Variants in XRCC3 observed in about 807,000 individuals in gnomAD.
XRCC3 encodes DNA repair protein XRCC3.
In XRCC3, 34 loss-of-function variants were observed where a neutral mutation model predicts 29.2. The observed-to-expected ratio is 1.16, with a 90% CI of 0.88 to 1.55. The LOEUF (loss-of-function observed/expected upper bound fraction) is 1.55. XRCC3 is among the 40% of genes most tolerant of loss of function. The probability of loss-of-function intolerance (pLI) is 0.00; values close to 1 mark genes in which losing one functional copy is unlikely to be tolerated. For missense variants in XRCC3, 463 were observed against 467.6 expected (o/e 0.99, Z 0.09); for synonymous variants, 223 against 211.3 (o/e 1.06, Z -0.48).
In XRCC3 at chr14:103,713,010, C is replaced by T. The variant is rs34100926; in HGVS notation, c.-317-79G>A. 1.1e-3 allele frequency: 173 copies of T among 152,510 alleles called. 3 individuals carry two copies. The East Asian group carries it at 0.026, about 23-fold the overall frequency. The allele number at this position is 152,510 out of a possible 1,614,324, so 9.4% of individuals were successfully genotyped here. ...TCCTCCCGTGTCCCATCACCCTTGA[C>T]AGCTGATTAGGCGCCTCATCTTCCA... On this transcript the variant is annotated intron_variant, in intron 1 of 9. Coordinates refer to ENST00000555055, the MANE Select transcript of XRCC3 (RefSeq NM_005432.4).
chr14:103,708,756 C>T (rs1335291996), intron 4 of XRCC3, 97 bp from the exon 5 acceptor site: 11 of 1,520,082 alleles, frequency 7.2e-6, no homozygotes, highest in Admixed American at 3.4e-5. Context: ...ACTGTGAGAG[C>T]ACCGTGCTTC....
At position 103,698,860 on chromosome 14, in the gene XRCC3, A is replaced by AG. The variant is rs780557423; in HGVS notation, c.978dup (p.Ser327LeufsTer32). On this transcript the variant is annotated frameshift_variant, in exon 10 of 10. Transcript: ENST00000555055. LOFTEE classifies it low-confidence loss of function (END_TRUNC). ...TCGGCACTGATCGTGTAGGAACAGGAGGAGGGGGGCAGGTGGGGGGCAGAG... is the reference window on the plus strand; with the variant it reads ...TCGGCACTGATCGTGTAGGAACAGGAGGGAGGGGGGCAGGTGGGGGGCAGAG... 16 of 1,607,374 alleles carry AG rather than the reference A, an allele frequency of 1.0e-5. No homozygotes were observed. Among genetic ancestry groups the AG allele is most frequent in the Non-Finnish European group, 1.4e-5 (16 of 1,177,644 alleles).
In XRCC3 at chr14:103,698,456, T is replaced by G; in HGVS notation, c.*342A>C. On this transcript the variant is annotated 3_prime_UTR_variant, in exon 10 of 10. Transcript: ENST00000555055. ...ACGCAACCCCAGTTGGGCTTCCATGTGGAGAGAAGAAGCAGGCGGCTCCCA... is the reference window on the plus strand; with the variant it reads ...ACGCAACCCCAGTTGGGCTTCCATGGGGAGAGAAGAAGCAGGCGGCTCCCA... 1 of 362,430 alleles carries G rather than the reference T, an allele frequency of 2.8e-6. No individual in the cohort carries two copies. Among genetic ancestry groups the G allele is most frequent in the East Asian group, 6.9e-5 (1 of 14,472 alleles). 22.5% of individuals were successfully genotyped at this position (362,430 alleles called of 1,614,324 possible). A position where few individuals can be genotyped will look rare whatever the true frequency, so the allele number is the denominator to read the frequency against.
Position 103,711,165 on chromosome 14 carries a change from G to A in XRCC3, c.-78C>T, listed in dbSNP as rs935627734. On this transcript the variant is annotated 5_prime_UTR_variant, in exon 4 of 10. Coordinates refer to ENST00000555055, the MANE Select transcript of XRCC3 (RefSeq NM_005432.4). ...AATGGATGCAAATTCTGAGGCACTC[G>A]CCTTCAATTCAAAGCCTGTGGGAGG... is the stretch of plus-strand genomic sequence containing the variant. The A allele has an allele frequency of 6.5e-6, 10 of 1,531,278 alleles. No individual in the cohort carries two copies. Among genetic ancestry groups the A allele is most frequent in the African/African-American group, 5.5e-5 (4 of 73,156 alleles). 94.9% of individuals were successfully genotyped at this position (1,531,278 alleles called of 1,614,324 possible).
At chr14:103,715,112 C>CGAG (rs1214974616) in intron 1 of XRCC3, among the ~76,000 whole-genome samples, 1 of 152,196 alleles carries the variant, frequency 6.6e-6, no homozygotes, top group East Asian at 1.9e-4. Context: ...GCCGCGGGCC[C>CGAG]ACCTCGGCCT....
chr14:103,698,662 TG>T lies in XRCC3; in HGVS notation c.*135del. On this transcript the variant is annotated 3_prime_UTR_variant, in exon 10 of 10. Coordinates refer to ENST00000555055, the MANE Select transcript of XRCC3 (RefSeq NM_005432.4). ...TGGCCACCATCTTCGGATGAGAAAG[TG>T]GAGCCGCTGCCCTGGAAGAGCTGTG... The T allele has an allele frequency of 1.3e-6, 1 of 787,552 alleles. No homozygotes were observed. The highest frequency in any genetic ancestry group is 2.1e-6 in the Non-Finnish European group (1 of 473,468). The allele number at this position is 787,552 out of a possible 1,614,324, so 48.8% of individuals were successfully genotyped here.
intron 7 of XRCC3, chr14:103,700,633 C>G (rs372941257): frequency 8.1e-6 from 13 of 1,599,060 alleles, no homozygotes; most frequent in Non-Finnish European, 1.1e-5. Flanking sequence ...CTGAGTGAAA[C>G]TCGTCTGTGC....
At chr14:103,706,354 C>T in intron 6 of XRCC3, 1 of 455,962 alleles carries the variant, frequency 2.2e-6, no homozygotes, top group South Asian at 1.5e-5. Context: ...GGAGGTGCCA[C>T]CGATGAAAAA....
chr14:103,698,575 G>A lies in XRCC3; in HGVS notation c.*223C>T. On this transcript the variant is annotated 3_prime_UTR_variant, in exon 10 of 10. Transcript: ENST00000555055. The stretch of plus-strand genomic sequence containing the variant: ...GTGGGGACCAGGTACCCAGCAAGCG[G>A]GCCTGTCCCCAGACCCAGGGAGAGG... 1 of 588,968 alleles carries A rather than the reference G, an allele frequency of 1.7e-6. No homozygotes were observed. Among genetic ancestry groups the A allele is most frequent in the Non-Finnish European group, 3.0e-6 (1 of 329,704 alleles). The allele number at this position is 588,968 out of a possible 1,614,324, so 36.5% of individuals were successfully genotyped here. A position where few individuals can be genotyped will look rare whatever the true frequency, so the allele number is the denominator to read the frequency against.
chr14:103,707,419 G>C, intron 5 of XRCC3: 1 of 656,788 alleles, frequency 1.5e-6, no homozygotes, highest in Non-Finnish European at 2.7e-6. Context: ...TGCAGAGTCA[G>C]GGGGAGCCCC....
In XRCC3 at chr14:103,706,588, G is replaced by A. The variant is rs535106611; in HGVS notation, c.406+415C>T. 119 of 375,060 alleles carry A rather than the reference G, an allele frequency of 3.2e-4. 3 individuals are homozygous for A. The highest frequency in any genetic ancestry group is 2.4e-3 in the South Asian group (119 of 48,864). 23.2% of individuals were successfully genotyped at this position (375,060 alleles called of 1,614,324 possible). A position where few individuals can be genotyped will look rare whatever the true frequency, so the allele number is the denominator to read the frequency against. ...CCTCGTTTCACAGACAGAGCGTACAGGCTCACGGGGCCGCGCCAGGAGCAT... is the reference window on the plus strand; with the variant it reads ...CCTCGTTTCACAGACAGAGCGTACAAGCTCACGGGGCCGCGCCAGGAGCAT... On this transcript the variant is annotated intron_variant, in intron 6 of 9. Coordinates refer to ENST00000555055, the MANE Select transcript of XRCC3 (RefSeq NM_005432.4).
intron 7 of XRCC3, chr14:103,700,747 GC>G: frequency 6.5e-7 from 1 of 1,546,998 alleles, no homozygotes. Context: ...ACGGCCTGCA[GC>G]CCCAGGAAGC....
At position 103,703,162 on chromosome 14, in the gene XRCC3, C is replaced by A; in HGVS notation, c.561+11G>T. 1 of 1,564,710 alleles carries A rather than the reference C, an allele frequency of 6.4e-7. No individual in the cohort carries two copies. The highest frequency in any genetic ancestry group is 1.2e-5 in the South Asian group (1 of 85,796). On this transcript the variant is annotated intron_variant, in intron 7 of 9. Transcript: ENST00000555055. ...GCCTTGGGGGTGTCATGGGGCTTCT[C>A]CCACACTCACCACATCGGCCACGTG...
At chr14:103,699,656 C>T (rs1360801072) in intron 7 of XRCC3, 80 bp from the exon 8 acceptor site, 12 of 1,461,896 alleles carry the variant, frequency 8.2e-6, no homozygotes, top group Middle Eastern at 1.8e-4. Context: ...GACTGTCACT[C>T]GACCGTCTGA....
In XRCC3 at chr14:103,708,674, A is replaced by T. The variant is rs2151940414; in HGVS notation, c.56-15T>A. Reference sequence around the variant, plus strand: ...TTTCAGTTTGGCTGAAATAACACAGATAAATTACAGGAAAATGTCAGACTG... The same window carrying T: ...TTTCAGTTTGGCTGAAATAACACAGTTAAATTACAGGAAAATGTCAGACTG... On this transcript the variant is annotated splice_polypyrimidine_tract_variant and intron_variant, in intron 4 of 9. Transcript: ENST00000555055. The T allele has an allele frequency of 1.9e-6, 3 of 1,614,076 alleles. No homozygotes were observed. In the South Asian group the frequency reaches 3.3e-5, roughly 18 times the overall value.
rs1441493899 is a variant in XRCC3, at chr14:103,697,925, C to G, written c.*873G>C. 2.0e-5 allele frequency: 3 copies of G among 152,566 alleles called. No homozygotes were observed. The highest frequency in any genetic ancestry group is 2.9e-5 in the Non-Finnish European group (2 of 68,396). 9.5% of individuals were successfully genotyped at this position (152,566 alleles called of 1,614,324 possible). On this transcript the variant is annotated 3_prime_UTR_variant, in exon 10 of 10. Coordinates refer to ENST00000555055, the MANE Select transcript of XRCC3 (RefSeq NM_005432.4). ...TGCCAGGAGTCCTGCCATATCCCTA[C>G]CAGAATACCACCCAGCCAGGCCAGG...
Position 103,699,577 on chromosome 14 carries a change from C to G in XRCC3, c.562-1G>C. ...TATTCACACACTCCAACAAGGTGTC[C>G]TGTGGGGACAGCTGTCATTGTCTAT... On this transcript the variant is annotated splice_acceptor_variant, in intron 7 of 9. Transcript: ENST00000555055. LOFTEE classifies it high-confidence loss of function. 1 of 1,613,404 alleles carries G rather than the reference C, an allele frequency of 6.2e-7. No individual in the cohort carries two copies. Among genetic ancestry groups the G allele is most frequent in the Non-Finnish European group, 8.5e-7 (1 of 1,179,936 alleles).
chr14:103,699,169 G>T lies in XRCC3; in HGVS notation c.785C>A (p.Ala262Asp). ...GTGTGCTGCGCCCTGCTCCTCCATG[G>T]CCTCTGTCACCTGGAAGAGCACAGT... ...PVLCINQVTEAMEEQGAAHGP... is the reference protein window; with the variant it reads ...PVLCINQVTEDMEEQGAAHGP... Residue 262 changes from alanine (A) to aspartate (D), a missense_variant, in exon 9 of 10, where the codon GCC (alanine) becomes GAC (aspartate). Transcript: ENST00000555055. 1 of 1,566,714 alleles carries T rather than the reference G, an allele frequency of 6.4e-7. No individual in the cohort carries two copies. The highest frequency in any genetic ancestry group is 8.6e-7 in the Non-Finnish European group (1 of 1,159,276).
intron 5 of XRCC3, chr14:103,707,488 C>T: frequency 1.8e-6 from 1 of 545,126 alleles, no homozygotes; most frequent in South Asian, 2.0e-5. Context: ...GCACCAGACG[C>T]CTTCAGCCAA....
Sources: gnomAD v4.1 joint callset for allele counts (sites outside exome capture counted in the v4.1 genomes callset) on GRCh38, gnomAD v4.1.1 for gene constraint, MANE v1.5 for transcripts, NCBI Gene and HGNC (gene_info 2026-07-23, HGNC 2026-07-21) for gene names.